RMST: variants seen among roughly 807,000 people sequenced by gnomAD.
RMST encodes the protein long intergenic non-protein coding RNA 54.
At chr12:97,475,953 G>T (rs573204478) in intron 5 of RMST, among the ~76,000 whole-genome samples, 2 of 152,128 alleles carry the variant, frequency 1.3e-5, no homozygotes, top group Non-Finnish European at 2.9e-5. Flanking sequence ...ACATACTGAC[G>T]TTGTTTGAGA....
chr12:97,564,103 T>G (rs953005796), intron 13 of RMST: 4 of 316,370 alleles, frequency 1.3e-5, no homozygotes, highest in African/African-American at 8.7e-5. Flanking sequence ...ACATTTGGGT[T>G]TGCACATTTT....
At chr12:97,465,952 T>A (rs12579528) in intron 5 of RMST, among the ~76,000 whole-genome samples, 27,775 of 152,116 alleles carry the variant, frequency 0.18, 3,319 homozygotes, top group East Asian at 0.48. Flanking sequence ...CTGTTTCCCT[T>A]CAGCCTTGAA....
At chr12:97,482,858 TG>T (rs1875590562) in intron 5 of RMST, among the ~76,000 whole-genome samples, 1 of 149,608 alleles carries the variant, frequency 6.7e-6, no homozygotes, top group Admixed American at 6.7e-5. Flanking sequence ...TATTTGTTTA[TG>T]GGGGTGATTA....
chr12:97,463,358 C>T (rs979354358), intron 4 of RMST: 1 of 152,238 alleles, frequency 6.6e-6, no homozygotes, highest in Non-Finnish European at 1.5e-5. Flanking sequence ...GGATAGAAAG[C>T]AACTCTGGAT....
chr12:97,507,492 C>A (rs11109072), intron 10 of RMST, among the ~76,000 whole-genome samples: 17,598 of 151,762 alleles, frequency 0.12, 1,762 homozygotes, highest in African/African-American at 0.25. Flanking sequence ...ATGTTAGTGG[C>A]CAGTTGAATG....
intron 11 of RMST, among the ~76,000 whole-genome samples, chr12:97,547,915 A>G (rs1051686310): frequency 6.6e-6 from 1 of 151,604 alleles, no homozygotes; most frequent in Non-Finnish European, 1.5e-5. Flanking sequence ...TCATTTGTCT[A>G]TTTTTGCTCT....
intron 10 of RMST, among the ~76,000 whole-genome samples, chr12:97,519,094 A>G (rs1338964864): frequency 1.3e-5 from 2 of 152,186 alleles, no homozygotes; most frequent in African/African-American, 4.8e-5. Flanking sequence ...CACCTCTTCA[A>G]TGAAGAATTC....
intron 10 of RMST, among the ~76,000 whole-genome samples, chr12:97,507,483 T>A (rs1412169303): frequency 6.6e-6 from 1 of 152,028 alleles, no homozygotes; most frequent in Non-Finnish European, 1.5e-5. Context: ...TATCTGCAGA[T>A]GTTAGTGGCC....
intron 11 of RMST, among the ~76,000 whole-genome samples, chr12:97,534,353 C>T (rs1361236599): frequency 6.6e-6 from 1 of 151,712 alleles, no homozygotes; most frequent in Non-Finnish European, 1.5e-5. Context: ...TAATTATCTT[C>T]TCTAATTTAG....
At chr12:97,495,180 G>GT in intron 9 of RMST, among the ~76,000 whole-genome samples, 1 of 150,900 alleles carries the variant, frequency 6.6e-6, no homozygotes, top group African/African-American at 2.4e-5. Flanking sequence ...TTCTTATGGG[G>GT]GGGGAGCCGC....
exon 13 of RMST, chr12:97,561,028 T>A (rs1187068663): frequency 6.6e-6 from 1 of 152,332 alleles, no homozygotes; most frequent in Non-Finnish European, 1.5e-5. Flanking sequence ...AAGGGGCTAG[T>A]TGAGGAATGG....
At chr12:97,529,258 T>C (rs1386697259) in intron 10 of RMST, among the ~76,000 whole-genome samples, 2 of 152,108 alleles carry the variant, frequency 1.3e-5, no homozygotes, top group South Asian at 2.1e-4. Flanking sequence ...CTAAATACAT[T>C]TATCAGTTTA....
chr12:97,501,644 C>T (rs545398901), intron 10 of RMST, among the ~76,000 whole-genome samples: 1 of 152,282 alleles, frequency 6.6e-6, no homozygotes, highest in South Asian at 2.1e-4. Context: ...ACCTGCCTCT[C>T]CTTGCTGGGC....
At position 97,488,154 on chromosome 12, in the gene RMST, C is replaced by T. The variant is rs191873932; in HGVS notation, n.645-4307C>T. On this transcript the variant is annotated intron_variant and non_coding_transcript_variant, in intron 5 of 13. Coordinates refer to ENST00000640149, the Ensembl canonical transcript of RMST. ...AATCCAGCGCTTTGGGAGGCTGAAG[C>T]GGGTGGATCACCTGAGGTCAGGAGT... Among the ~76,000 whole-genome samples, 3 of 152,174 alleles carry T rather than the reference C, an allele frequency of 2.0e-5. No homozygotes were observed. In the East Asian group the frequency reaches 5.8e-4, roughly 29 times the overall value.
intron 10 of RMST, among the ~76,000 whole-genome samples, chr12:97,523,738 T>A (rs1291911826): frequency 6.6e-6 from 1 of 152,142 alleles, no homozygotes; most frequent in Non-Finnish European, 1.5e-5. Context: ...CTGAGAAATA[T>A]TTAAGTGCTG....
At chr12:97,490,751 A>C (rs1876699017) in intron 5 of RMST, among the ~76,000 whole-genome samples, 1 of 152,180 alleles carries the variant, frequency 6.6e-6, no homozygotes, top group East Asian at 1.9e-4. Context: ...GAGCAACTAG[A>C]TTTCTTTTGT....
chr12:97,525,847 A>G (rs1363486312), intron 10 of RMST, among the ~76,000 whole-genome samples: 1 of 152,176 alleles, frequency 6.6e-6, no homozygotes, highest in Non-Finnish European at 1.5e-5. Flanking sequence ...ATCTGTATTT[A>G]CAGCCAGTCA....
At chr12:97,524,075 C>CACAGAAAAAAAAAAAAAAAAAA (rs57255256) in intron 10 of RMST, among the ~76,000 whole-genome samples, 1 of 56,118 alleles carries the variant, frequency 1.8e-5, no homozygotes, top group Non-Finnish European at 3.2e-5. Context: ...GACTCTGTCT[C>CACAGAAAAAAAAAAAAAAAAAA]AAAAAAAAAA....
intron 10 of RMST, among the ~76,000 whole-genome samples, chr12:97,508,548 C>T (rs1878948429): frequency 6.6e-6 from 1 of 152,144 alleles, no homozygotes; most frequent in Non-Finnish European, 1.5e-5. Flanking sequence ...AAGACTAGGA[C>T]AGGAAGCTGA....
Sources: allele counts gnomAD v4.1 joint callset (sites outside exome capture counted in the v4.1 genomes callset), GRCh38; gene constraint gnomAD v4.1.1; transcripts MANE v1.5; gene names NCBI Gene and HGNC (gene_info 2026-07-23, HGNC 2026-07-21).